SBNO2: variants seen among roughly 807,000 people sequenced by gnomAD.
SBNO2 encodes protein strawberry notch homolog 2.
SBNO2 carries 89 observed loss-of-function variants against 146.3 expected under a neutral mutation model. That is an observed-to-expected ratio of 0.61 (90% CI 0.51 to 0.73). The LOEUF (loss-of-function observed/expected upper bound fraction) is 0.73, where lower values mean the gene tolerates loss of function less well. Among genes scored for constraint, SBNO2 ranks in the 30% least tolerant of loss-of-function variants. The pLI is 0.00. For synonymous variants in SBNO2, 1,147 were observed against 892.6 expected, an observed-to-expected ratio of 1.29 and a Z score of -5.08; for missense variants, 2,092 against 2,003.7, an observed-to-expected ratio of 1.04 and a Z score of -0.84.
chr19:1,134,785 C>T (rs968195425), intron 4 of SBNO2, among the ~76,000 whole-genome samples: 4 of 152,052 alleles, frequency 2.6e-5, no homozygotes, highest in African/African-American at 9.7e-5. Context: ...CGGTGGCTTA[C>T]GCCTGTAATC....
Position 1,113,696 on chromosome 19 carries a change from A to C in SBNO2, c.2086T>G (p.Cys696Gly), listed in dbSNP as rs1316482214. The change falls in exon 19 of 32, where the codon TGC (cysteine) becomes GGC (glycine). Residue 696 changes from cysteine to glycine, a missense_variant. Physicochemically the swap from Cys to Gly is radical, Grantham distance 159. Coordinates refer to ENST00000361757, the MANE Select transcript of SBNO2 (RefSeq NM_014963.3). ...CCATGCGGGTCTCTCTGCAGGAGGC[A>C]CAGGGGTCCTAGGGAGGAGGTGGAG... ...GLPSDDRGPL[C>G]LLQRDPHGPG... The C allele has an allele frequency of 6.3e-7, 1 of 1,575,704 alleles. No individual in the cohort carries two copies. Among genetic ancestry groups the C allele is most frequent in the South Asian group, 1.1e-5 (1 of 87,444 alleles).
At position 1,119,046 on chromosome 19, in the gene SBNO2, C is replaced by A. The variant is rs1183743289; in HGVS notation, c.1492G>T (p.Ala498Ser). The A allele has an allele frequency of 2.5e-6, 4 of 1,604,718 alleles. No homozygotes were observed. Among genetic ancestry groups the A allele is most frequent in the Non-Finnish European group, 3.4e-6 (4 of 1,177,278 alleles). Residue 498 changes from alanine to serine, a missense_variant, in exon 14 of 32, where the codon GCC (alanine) becomes TCC (serine). Coordinates refer to ENST00000361757, the MANE Select transcript of SBNO2 (RefSeq NM_014963.3). Reference protein sequence around the residue: ...FRIEEIPLAPAFECVYNRAAL... With the variant: ...FRIEEIPLAPSFECVYNRAAL... ...GCGCGGTTGTAGACGCACTCGAAGGCTGGGGCCAGCGGGATCTCCTCGATG... is the reference window on the plus strand; with the variant it reads ...GCGCGGTTGTAGACGCACTCGAAGGATGGGGCCAGCGGGATCTCCTCGATG...
chr19:1,122,600 GC>G, intron 9 of SBNO2, 42 bp from the exon 10 acceptor site: 1 of 479,710 alleles, frequency 2.1e-6, no homozygotes, highest in Non-Finnish European at 2.8e-6. Context: ...CTTCCCCCTC[GC>G]CCCCCGCTTC....
chr19:1,119,314 G>A (rs571300259), intron 13 of SBNO2, 150 bp from the exon 14 acceptor site: 82 of 1,085,532 alleles, frequency 7.6e-5, no homozygotes, highest in South Asian at 3.4e-4. Context: ...TGAGCCTGGC[G>A]GGGACGGGGC....
In SBNO2 at chr19:1,112,311, G is replaced by A; in HGVS notation, c.2516-10C>T. ...GACCGGTGGGTGCGGCCTGGGGGCA[G>A]AGCTGCTCTCAGGGCCCGGCCAGGC... On this transcript the variant is annotated splice_polypyrimidine_tract_variant and intron_variant, in intron 21 of 31. Coordinates refer to ENST00000361757, the MANE Select transcript of SBNO2 (RefSeq NM_014963.3). This position sits in a 1 kb window ranked among gnomAD's most constrained non-coding sequence, Gnocchi z 5.9. 1.3e-6 allele frequency: 2 copies of A among 1,579,312 alleles called. No individual in the cohort carries two copies. Among genetic ancestry groups the A allele is most frequent in the South Asian group, 2.3e-5 (2 of 87,166 alleles).
At chr19:1,134,356 A>G (rs114874454) in intron 4 of SBNO2, among the ~76,000 whole-genome samples, 4,150 of 138,714 alleles carry the variant, frequency 0.03, 90 homozygotes, top group African/African-American at 0.061. Context: ...CTCAGCTCCC[A>G]GGTGGACCCA....
At chr19:1,162,640 G>A (rs1435692740) in intron 1 of SBNO2, among the ~76,000 whole-genome samples, 1 of 152,154 alleles carries the variant, frequency 6.6e-6, no homozygotes, top group Non-Finnish European at 1.5e-5. Context: ...CCTTCTCCCA[G>A]CTTTGTGAGG....
At chr19:1,113,799 G>A in intron 18 of SBNO2, 95 bp from the exon 19 acceptor site, 1 of 1,368,730 alleles carries the variant, frequency 7.3e-7, no homozygotes, top group Non-Finnish European at 9.4e-7. Flanking sequence ...AGGACAAGGG[G>A]CCCGGGGCAA....
At chr19:1,122,005 C>T in intron 11 of SBNO2, 134 bp downstream of exon 11, 1 of 596,006 alleles carries the variant, frequency 1.7e-6, no homozygotes, top group Non-Finnish European at 2.3e-6. Flanking sequence ...CAGCCCCACC[C>T]CTCCGCTCCT....
intron 14 of SBNO2, among the ~76,000 whole-genome samples, 200 bp from the exon 15 acceptor site, chr19:1,117,699 G>A (rs114437107): frequency 0.017 from 2,619 of 152,390 alleles, 91 homozygotes; most frequent in African/African-American, 0.06. Flanking sequence ...CAAAACACTC[G>A]TGGTGGGGAA....
In SBNO2 at chr19:1,111,620, G is replaced by T; in HGVS notation, c.2701-6C>A. The stretch of plus-strand genomic sequence containing the variant: ...TGCAGGGCCCGGGTGCCATACTAGG[G>T]GGAGAAGGTGACTCGGGGAGGAGGC... On this transcript the variant is annotated splice_region_variant and splice_polypyrimidine_tract_variant and intron_variant, in intron 23 of 31. Coordinates refer to ENST00000361757, the MANE Select transcript of SBNO2 (RefSeq NM_014963.3). 1 of 1,571,690 alleles carries T rather than the reference G, an allele frequency of 6.4e-7. No homozygotes were observed. The highest frequency in any genetic ancestry group is 2.3e-5 in the East Asian group (1 of 42,752).
At chr19:1,165,080 G>A (rs1429730311) in intron 1 of SBNO2, among the ~76,000 whole-genome samples, 1 of 152,038 alleles carries the variant, frequency 6.6e-6, no homozygotes, top group African/African-American at 2.4e-5. Context: ...CGTCCAGCCC[G>A]AGCCAGGGTC....
intron 1 of SBNO2, among the ~76,000 whole-genome samples, chr19:1,165,811 CCCCAGATCTCAGACCCCCAGACCCCAGAT>C (rs2080411664): frequency 9.1e-6 from 1 of 110,394 alleles, no homozygotes; most frequent in Non-Finnish European, 1.8e-5. Context: ...AGATCCCAGA[CCCCAGATCTCAGACCCCCAGACCCCAGAT>C]CCCAGATCTC....
In SBNO2 at chr19:1,116,100, G is replaced by T; in HGVS notation, c.1806C>A (p.Gly602=). 1 of 1,607,712 alleles carries T rather than the reference G, an allele frequency of 6.2e-7. No homozygotes were observed. The change falls in exon 17 of 32, where the codon GGC becomes GGA. Residue 602 remains glycine (G), a synonymous_variant. Coordinates refer to ENST00000361757, the MANE Select transcript of SBNO2 (RefSeq NM_014963.3). Reference sequence around the variant, plus strand: ...GCTTCTGAATTAGCGACAGGAACACGCCTCTGAAAGTGAGACGCGGAGTTT... The same window carrying T: ...GCTTCTGAATTAGCGACAGGAACACTCCTCTGAAAGTGAGACGCGGAGTTT... ...HLNCFVSAAE[G]VFLSLIQKHF... is the part of the protein sequence containing the mutation.
intron 1 of SBNO2, among the ~76,000 whole-genome samples, chr19:1,169,800 A>AG (rs1328153601): frequency 6.6e-6 from 1 of 152,190 alleles, no homozygotes; most frequent in Non-Finnish European, 1.5e-5. Flanking sequence ...AATCCACACC[A>AG]GGAGGGGCAC....
chr19:1,138,777 G>T (rs371284599), intron 4 of SBNO2, among the ~76,000 whole-genome samples: 6 of 139,398 alleles, frequency 4.3e-5, no homozygotes, highest in Non-Finnish European at 9.3e-5. Flanking sequence ...CCTCCATCAC[G>T]GACAGACACA....
rs765199365 is a variant in SBNO2, at chr19:1,109,584, G to A, written c.3138C>T (p.Arg1046=). The change falls in exon 28 of 32, where the codon CGC becomes CGT. Residue 1046 remains arginine, a synonymous_variant. Coordinates refer to ENST00000361757, the MANE Select transcript of SBNO2 (RefSeq NM_014963.3). The surrounding 1 kb of genome is among the most constrained non-coding windows in gnomAD (Gnocchi z 4.2). ...CAAAGGCGTCCTCCCACTTCAGGCC[G>A]CGGTCCACGCTGATCTGCCACGGCA... is the stretch of plus-strand genomic sequence containing the variant. The part of the protein sequence containing the change: ...QVVFYKISVD[R]GLKWEDAFAK... The A allele has an allele frequency of 3.1e-6, 5 of 1,589,666 alleles. No individual in the cohort carries two copies. The highest frequency in any genetic ancestry group is 1.3e-5 in the African/African-American group (1 of 74,640).
At chr19:1,154,900 C>T (rs1006275829) in intron 1 of SBNO2, among the ~76,000 whole-genome samples, 9 of 152,182 alleles carry the variant, frequency 5.9e-5, no homozygotes, top group Admixed American at 2.0e-4. Flanking sequence ...TCAGGGGCCA[C>T]GCAGAGCTGG....
At chr19:1,156,059 C>T (rs575623850) in intron 1 of SBNO2, among the ~76,000 whole-genome samples, 1 of 152,258 alleles carries the variant, frequency 6.6e-6, no homozygotes, top group South Asian at 2.1e-4. Context: ...GGAGGGGGCA[C>T]CTTGGGCAGC....
Sources: gnomAD v4.1 joint callset for allele counts (sites outside exome capture counted in the v4.1 genomes callset) on GRCh38, gnomAD v4.1.1 for gene constraint, Gnocchi (gnomAD v3.1) non-coding constraint, MANE v1.5 for transcripts, NCBI Gene and HGNC (gene_info 2026-07-23, HGNC 2026-07-21) for gene names.